Variants in WSCD2 observed in about 807,000 individuals in gnomAD.
WSCD2 encodes WSC domain sialate O sulfotransferase 2, also known as sialate:O-sulfotransferase 2.
A neutral mutation model predicts 55.7 loss-of-function variants in WSCD2; 28 were observed. The observed-to-expected ratio is 0.50, with a 90% CI of 0.37 to 0.69. The LOEUF is 0.69. WSCD2 is among the 30% of genes least tolerant of loss of function. The pLI, the probability that WSCD2 is intolerant of heterozygous loss-of-function variation, is 0.00. For missense variants in WSCD2, 616 were observed against 762.1 expected (o/e 0.81, Z 2.26); for synonymous variants, 301 against 301.9 (o/e 1.00, Z 0.03).
At chr12:108,147,430 T>G (rs955760385) in intron 1 of WSCD2, among the ~76,000 whole-genome samples, 1 of 151,958 alleles carries the variant, frequency 6.6e-6, no homozygotes, top group Admixed American at 6.6e-5. Flanking sequence ...GAGAAGGGAA[T>G]AGAGGTGTAA....
chr12:108,166,745 C>CTTCT (rs966308516), intron 1 of WSCD2, among the ~76,000 whole-genome samples: 6 of 49,456 alleles, frequency 1.2e-4, no homozygotes, highest in Non-Finnish European at 2.1e-4. Flanking sequence ...TCTTTCTTTC[C>CTTCT]TTCTTTCTTT....
At chr12:108,189,662 G>A (rs549657619) in intron 1 of WSCD2, 1 of 152,234 alleles carries the variant, frequency 6.6e-6, no homozygotes, top group Non-Finnish European at 1.5e-5. Context: ...TGGGGAAGTT[G>A]TGACTACAGC....
At chr12:108,223,961 G>C (rs564628302) in intron 4 of WSCD2, among the ~76,000 whole-genome samples, 2 of 152,278 alleles carry the variant, frequency 1.3e-5, no homozygotes, top group East Asian at 3.9e-4. Flanking sequence ...ACTTAGTTCT[G>C]TCTGGTCCTG....
chr12:108,147,913 T>G (rs1388112964), intron 1 of WSCD2, among the ~76,000 whole-genome samples: 6 of 151,596 alleles, frequency 4.0e-5, no homozygotes, highest in Non-Finnish European at 8.8e-5. Flanking sequence ...TCTCCTACCC[T>G]ACATAAGATC....
intron 4 of WSCD2, among the ~76,000 whole-genome samples, chr12:108,219,184 T>A (rs896501568): frequency 2.6e-5 from 4 of 152,140 alleles, no homozygotes; most frequent in Admixed American, 6.5e-5. Flanking sequence ...CACCTTATGG[T>A]AAGACTTGCC....
chr12:108,166,789 C>CTTTCTTTCTTTCTTTCTTTCTT (rs1232364251), intron 1 of WSCD2, among the ~76,000 whole-genome samples: 8 of 133,162 alleles, frequency 6.0e-5, no homozygotes, highest in African/African-American at 2.2e-4. Flanking sequence ...TTCTTTCTTT[C>CTTTCTTTCTTTCTTTCTTTCTT]TGTCTTTCTT....
intron 1 of WSCD2, among the ~76,000 whole-genome samples, chr12:108,187,012 T>A (rs750874590): frequency 1.3e-4 from 20 of 152,184 alleles, no homozygotes; most frequent in Non-Finnish European, 2.5e-4. Context: ...GACTTAACTT[T>A]TGCTCTTTCT....
intron 1 of WSCD2, among the ~76,000 whole-genome samples, chr12:108,169,990 CTG>C (rs1234868310): frequency 1.3e-5 from 2 of 152,182 alleles, no homozygotes; most frequent in Non-Finnish European, 2.9e-5. Context: ...AAGGCAGAGA[CTG>C]TGCTCCCAAA....
Position 108,196,167 on chromosome 12 carries a change from G to C in WSCD2, c.335G>C (p.Ser112Thr). ...CTTGGCGACTACGGTGGAGCCTGGA[G>C]CCGAGCCCTCAAGGGGAGGGTTGTC... is the stretch of plus-strand genomic sequence containing the variant. ...AKLGDYGGAWSRALKGRVVRE... is the reference protein window; with the variant it reads ...AKLGDYGGAWTRALKGRVVRE... The change falls in exon 2 of 9, where the codon AGC becomes ACC. Residue 112 changes from serine to threonine, a missense_variant. By Grantham distance (58) the Ser-to-Thr change is moderately conservative (BLOSUM62 1). Coordinates refer to ENST00000547525, the MANE Select transcript of WSCD2 (RefSeq NM_014653.4). 6.2e-7 allele frequency: 1 copy of C among 1,614,150 alleles called. No individual in the cohort carries two copies. Among genetic ancestry groups the C allele is most frequent in the Non-Finnish European group, 8.5e-7 (1 of 1,180,022 alleles).
intron 1 of WSCD2, among the ~76,000 whole-genome samples, chr12:108,193,331 T>C (rs1411654719): frequency 6.6e-6 from 1 of 152,262 alleles, no homozygotes; most frequent in East Asian, 1.9e-4. Flanking sequence ...CAGTTGACTC[T>C]GAATTCTCTG....
At position 108,164,239 on chromosome 12, in the gene WSCD2, A is replaced by G. The variant is rs567118752; in HGVS notation, c.-551-31043A>G. 4.0e-5 allele frequency among the ~76,000 whole-genome samples: 6 copies of G among 148,750 alleles called. No homozygotes were observed. The South Asian group carries it at 1.3e-3, about 32-fold the overall frequency. ...TAAAGTACAAAATCAATAAATTTTT[A>G]CAAACTTATAGAGCCATGGAACCAT... is the stretch of plus-strand genomic sequence containing the variant. On this transcript the variant is annotated intron_variant, in intron 1 of 8. Coordinates refer to ENST00000547525, the MANE Select transcript of WSCD2 (RefSeq NM_014653.4).
At position 108,248,391 on chromosome 12, in the gene WSCD2, C is replaced by T; in HGVS notation, c.*48C>T. The stretch of plus-strand genomic sequence containing the variant: ...AGACTGGGAGTCCTGACCACGCAGG[C>T]CCTGGGGACTCAAGACCCCTGGTTA... On this transcript the variant is annotated 3_prime_UTR_variant, in exon 9 of 9. Coordinates refer to ENST00000547525, the MANE Select transcript of WSCD2 (RefSeq NM_014653.4). This position sits in a 1 kb window ranked among gnomAD's most constrained non-coding sequence, Gnocchi z 4.3. The T allele has an allele frequency of 6.4e-7, 1 of 1,567,510 alleles. No individual in the cohort carries two copies. Among genetic ancestry groups the T allele is most frequent in the Non-Finnish European group, 8.7e-7 (1 of 1,154,266 alleles).
chr12:108,178,032 G>GT (rs1421551020), intron 1 of WSCD2, among the ~76,000 whole-genome samples: 1 of 152,112 alleles, frequency 6.6e-6, no homozygotes. Flanking sequence ...GAGCACTGGT[G>GT]TATCAGTTTG....
At chr12:108,207,089 G>C (rs368683038) in intron 3 of WSCD2, among the ~76,000 whole-genome samples, 3 of 152,272 alleles carry the variant, frequency 2.0e-5, no homozygotes, top group East Asian at 1.9e-4. Context: ...CTGGGACTAG[G>C]GGGGAGTGAG....
chr12:108,167,108 G>A (rs567490235), intron 1 of WSCD2, among the ~76,000 whole-genome samples: 9 of 152,104 alleles, frequency 5.9e-5, no homozygotes, highest in South Asian at 2.1e-4. Flanking sequence ...CACAGTGGCC[G>A]GACTATTTGC....
At chr12:108,134,105 A>T (rs1420570408) in intron 1 of WSCD2, among the ~76,000 whole-genome samples, 1 of 152,198 alleles carries the variant, frequency 6.6e-6, no homozygotes. Flanking sequence ...ACTTTGCCCA[A>T]GAGCTGATGA....
At chr12:108,133,593 C>T (rs1250536929) in intron 1 of WSCD2, among the ~76,000 whole-genome samples, 1 of 152,190 alleles carries the variant, frequency 6.6e-6, no homozygotes, top group Non-Finnish European at 1.5e-5. Context: ...ACTCTTCTCC[C>T]TGCTCCTCAG....
intron 1 of WSCD2, among the ~76,000 whole-genome samples, chr12:108,159,736 T>C (rs748246699): frequency 3.3e-5 from 5 of 152,194 alleles, no homozygotes; most frequent in Non-Finnish European, 5.9e-5. Context: ...GAGGAATCTG[T>C]CTCCTTGCCC....
intron 1 of WSCD2, among the ~76,000 whole-genome samples, chr12:108,156,999 G>A (rs925991549): frequency 6.6e-6 from 1 of 152,162 alleles, no homozygotes; most frequent in African/African-American, 2.4e-5. Context: ...CAGAGAAATC[G>A]ACTTCTCACT....
Sources: allele counts gnomAD v4.1 joint callset (sites outside exome capture counted in the v4.1 genomes callset), GRCh38; gene constraint gnomAD v4.1.1; non-coding constraint Gnocchi (gnomAD v3.1); transcripts MANE v1.5; gene names NCBI Gene and HGNC (gene_info 2026-07-23, HGNC 2026-07-21).